The following DNAH9 variants were observed in gnomAD, a reference collection of about 807,000 sequenced individuals.
DNAH9 encodes dynein axonemal heavy chain 9, also known as DNAH9 variant protein.
Under a neutral mutation model 471.6 loss-of-function variants are expected in DNAH9, and 345 were observed. The ratio of observed to expected loss-of-function variants is 0.73; its 90% confidence interval spans 0.67 to 0.80. DNAH9 has a LOEUF of 0.80. Ranked by LOEUF, DNAH9 falls within the 30% of genes least tolerant of loss-of-function variation. The pLI, the probability that DNAH9 is intolerant of heterozygous loss-of-function variation, is 0.00. For missense variants in DNAH9, 5,407 were observed against 5,609.2 expected (o/e 0.96, Z 1.15); for synonymous variants, 2,093 against 2,123.6 (o/e 0.99, Z 0.40).
intron 28 of DNAH9, among the ~76,000 whole-genome samples, 170 bp from the exon 29 acceptor site, chr17:11,738,710 A>G (rs2075389625): frequency 6.6e-6 from 1 of 152,146 alleles, no homozygotes; most frequent in Admixed American, 6.5e-5. Context: ...ACATGCAACC[A>G]GGGCCTGTCA....
At chr17:11,848,632 G>A (rs892765131) in intron 49 of DNAH9, among the ~76,000 whole-genome samples, 19 of 151,824 alleles carry the variant, frequency 1.3e-4, no homozygotes, top group African/African-American at 4.4e-4. Flanking sequence ...CCTTTGACCC[G>A]GCAAATCCCA....
In DNAH9 at chr17:11,834,808, G is replaced by A; in HGVS notation, c.9417G>A (p.Val3139=). 6.2e-7 allele frequency: 1 copy of A among 1,614,124 alleles called. No homozygotes were observed. The highest frequency in any genetic ancestry group is 8.5e-7 in the Non-Finnish European group (1 of 1,180,028). ...EQKVAVIMLE[V]KQKQKDCEED... The stretch of plus-strand genomic sequence containing the variant: ...AGGTGGCCGTCATCATGCTAGAGGT[G>A]AAACAGAAGCAGAAGGACTGTGAGG... Residue 3139 remains valine, a synonymous_variant, in exon 49 of 69, where the codon GTG becomes GTA. Transcript: ENST00000262442.
In DNAH9 at chr17:11,669,382, G is replaced by A. The variant is rs199985957; in HGVS notation, c.2941G>A (p.Gly981Ser). The change falls in exon 17 of 69, where the codon GGT (glycine) becomes AGT (serine). Residue 981 changes from glycine (G) to serine (S), a missense_variant. By Grantham distance (56) the Gly-to-Ser change is moderately conservative. Coordinates refer to ENST00000262442, the MANE Select transcript of DNAH9 (RefSeq NM_001372.4). The stretch of plus-strand genomic sequence containing the variant: ...CTCGCTTCCCCAGGTCGACCTGGAC[G>A]GTATACCAGATTTGGCAAACATGCG... ...GSPHYQVDLD[G>S]IPDLANMRRT... 75 of 1,611,930 alleles carry A rather than the reference G, an allele frequency of 4.7e-5. No individual in the cohort carries two copies. Among genetic ancestry groups the A allele is most frequent in the Non-Finnish European group, 5.6e-5 (66 of 1,178,800 alleles).
chr17:11,712,542 C>T (rs749371777), intron 26 of DNAH9, among the ~76,000 whole-genome samples: 2 of 152,122 alleles, frequency 1.3e-5, no homozygotes, highest in Non-Finnish European at 2.9e-5. Context: ...ACACCAACAA[C>T]ATGTGAGGAT....
chr17:11,886,896 G>A lies in DNAH9; in HGVS notation c.11043G>A (p.Arg3681=). 1 of 1,612,754 alleles carries A rather than the reference G, an allele frequency of 6.2e-7. No individual in the cohort carries two copies. Among genetic ancestry groups the A allele is most frequent in the Non-Finnish European group, 8.5e-7 (1 of 1,179,452 alleles). ...AREHYRPAAA[R]ASLLYFIMND... is the part of the protein sequence containing the mutation. ...AGCACTACCGGCCAGCAGCTGCCAG[G>A]GCCTCACTGCTCTACTTCATCATGA... Residue 3681 remains arginine, a synonymous_variant, in exon 57 of 69, where the codon AGG becomes AGA. Coordinates refer to ENST00000262442, the MANE Select transcript of DNAH9 (RefSeq NM_001372.4).
intron 9 of DNAH9, 106 bp downstream of exon 9, chr17:11,636,890 CAAA>C (rs1321407374): frequency 2.9e-6 from 3 of 1,025,804 alleles, no homozygotes; most frequent in Non-Finnish European, 4.3e-6. Context: ...CATACATTCT[CAAA>C]AAAGAGCAAG....
chr17:11,837,525 C>T (rs1970887622), intron 49 of DNAH9, among the ~76,000 whole-genome samples: 1 of 152,226 alleles, frequency 6.6e-6, no homozygotes, highest in African/African-American at 2.4e-5. Context: ...CCTACTGCTA[C>T]CACTCAGGTC....
rs1974528768 is a variant in DNAH9, at chr17:11,932,018, C to T, written c.12110C>T (p.Thr4037Ile). The change falls in exon 64 of 69, where the codon ACT becomes ATT. Residue 4037 changes from threonine (T) to isoleucine (I), a missense_variant. Thr to Ile is a moderately conservative substitution (Grantham distance 89). Coordinates refer to ENST00000262442, the MANE Select transcript of DNAH9 (RefSeq NM_001372.4). This position sits in a 1 kb window ranked among gnomAD's most constrained non-coding sequence, Gnocchi z 4.3. ...HKALDNFTQDTLEMCSRETEF... is the reference protein window; with the variant it reads ...HKALDNFTQDILEMCSRETEF... ...AAAGCGACACTCTCATTTCAGGACA[C>T]TCTGGAGATGTGTTCTCGGGAGACG... 6.2e-7 allele frequency: 1 copy of T among 1,614,096 alleles called. No homozygotes were observed. The highest frequency in any genetic ancestry group is 8.5e-7 in the Non-Finnish European group (1 of 1,179,990).
At chr17:11,958,392 T>A (rs1975780665) in intron 67 of DNAH9, among the ~76,000 whole-genome samples, 1 of 152,228 alleles carries the variant, frequency 6.6e-6, no homozygotes, top group African/African-American at 2.4e-5. Flanking sequence ...TGTACAATAC[T>A]GTAACGGTGG....
intron 8 of DNAH9, among the ~76,000 whole-genome samples, chr17:11,636,429 A>C (rs909400352): frequency 3.7e-4 from 57 of 152,086 alleles, no homozygotes; most frequent in African/African-American, 1.3e-3. Flanking sequence ...GGCAGACAGG[A>C]ATTTTCTGTT....
intron 1 of DNAH9, among the ~76,000 whole-genome samples, chr17:11,604,033 T>TG (rs1009149812): frequency 4.6e-5 from 7 of 151,880 alleles, no homozygotes; most frequent in Admixed American, 3.9e-4. Flanking sequence ...ACTTCTTTTT[T>TG]TTTTTTTGAG....
chr17:11,726,283 G>A (rs1486150812), intron 27 of DNAH9, among the ~76,000 whole-genome samples: 1 of 152,098 alleles, frequency 6.6e-6, no homozygotes, highest in Non-Finnish European at 1.5e-5. Flanking sequence ...TTGCCAGAGT[G>A]CATTCTGAGA....
At chr17:11,725,055 A>C (rs1461958629) in intron 27 of DNAH9, among the ~76,000 whole-genome samples, 4 of 152,212 alleles carry the variant, frequency 2.6e-5, no homozygotes, top group Non-Finnish European at 5.9e-5. Flanking sequence ...ATGAGAATCC[A>C]GTGCTGCCAC....
At chr17:11,897,035 A>G (rs932798043) in intron 59 of DNAH9, among the ~76,000 whole-genome samples, 1 of 152,242 alleles carries the variant, frequency 6.6e-6, no homozygotes, top group Non-Finnish European at 1.5e-5. Context: ...GGTTGAAGAC[A>G]GCTGAGATCA....
chr17:11,955,794 T>G (rs1975612414), intron 67 of DNAH9, among the ~76,000 whole-genome samples: 4 of 152,192 alleles, frequency 2.6e-5, no homozygotes, highest in Admixed American at 2.6e-4. Flanking sequence ...TGTGTAACAT[T>G]TCTGCCCAGG....
chr17:11,907,172 C>A (rs914789460), intron 61 of DNAH9, among the ~76,000 whole-genome samples: 7 of 152,120 alleles, frequency 4.6e-5, no homozygotes, highest in African/African-American at 1.7e-4. Context: ...TCTTATCAGA[C>A]TTAAAGAGTC....
At position 11,652,780 on chromosome 17, in the gene DNAH9, T is replaced by C; in HGVS notation, c.2373T>C (p.Thr791=). The C allele has an allele frequency of 6.2e-7, 1 of 1,613,430 alleles. No individual in the cohort carries two copies. Among genetic ancestry groups the C allele is most frequent in the Non-Finnish European group, 8.5e-7 (1 of 1,179,690 alleles). The change falls in exon 14 of 69, where the codon ACT becomes ACC. Residue 791 remains threonine (T), a synonymous_variant. Transcript: ENST00000262442. ...WKTEGICDYV[T]EITSSIHDLE... is the part of the protein sequence containing the mutation. The stretch of plus-strand genomic sequence containing the variant: ...GAACAGGCATTTGCGATTATGTCAC[T>C]GAAATCACCAGTAGTATTCATGATC...
In DNAH9 at chr17:11,822,443, T is replaced by A; in HGVS notation, c.8856T>A (p.Thr2952=). The A allele has an allele frequency of 6.2e-7, 1 of 1,614,154 alleles. No individual in the cohort carries two copies. Among genetic ancestry groups the A allele is most frequent in the South Asian group, 1.1e-5 (1 of 91,072 alleles). ...CCACCCTTCTGACTTCTCAGGTGAC[T>A]CTCTGTTTCTCCCCTGTGGGAAACA... is the stretch of plus-strand genomic sequence containing the variant. ...IDRIRRQLKV[T]LCFSPVGNKL... Residue 2952 remains threonine, a synonymous_variant, in exon 47 of 69, where the codon ACT becomes ACA. Transcript: ENST00000262442.
In DNAH9 at chr17:11,806,385, G is replaced by A. The variant is rs548523284; in HGVS notation, c.8421-1347G>A. 3.9e-5 allele frequency among the ~76,000 whole-genome samples: 6 copies of A among 152,196 alleles called. No individual in the cohort carries two copies. The East Asian group carries it at 9.6e-4, about 24-fold the overall frequency. Reference sequence around the variant, plus strand: ...AATATATACAGTGTTATTTATAAATGGAAAATGTTGGAAGCAACATACATA... The same window carrying A: ...AATATATACAGTGTTATTTATAAATAGAAAATGTTGGAAGCAACATACATA... On this transcript the variant is annotated intron_variant, in intron 43 of 68. Transcript: ENST00000262442.
Sources: gnomAD v4.1 joint callset for allele counts (sites outside exome capture counted in the v4.1 genomes callset) on GRCh38, gnomAD v4.1.1 for gene constraint, Gnocchi (gnomAD v3.1) non-coding constraint, MANE v1.5 for transcripts, NCBI Gene and HGNC (gene_info 2026-07-23, HGNC 2026-07-21) for gene names.